Variants in RDX observed in about 807,000 individuals in gnomAD.
RDX encodes deafness, autosomal recessive 24.
Under a neutral mutation model 83.7 loss-of-function variants are expected in RDX, and 32 were observed. The observed-to-expected ratio is 0.38, with a 90% CI of 0.29 to 0.51. The LOEUF is 0.51. Among genes scored for constraint, RDX ranks in the 20% least tolerant of loss-of-function variants. The pLI, the probability that RDX is intolerant of heterozygous loss-of-function variation, is 0.87. For synonymous variants in RDX, 229 were observed against 222.7 expected (o/e 1.03, Z -0.25); for missense variants, 600 against 689.9 (o/e 0.87, Z 1.46).
At chr11:110,225,942 T>C (rs1413984907), downstream of RDX, among the ~76,000 whole-genome samples, 1 of 151,606 alleles carries the variant, frequency 6.6e-6, no homozygotes, top group African/African-American at 2.4e-5. Context: ...GATGCATGCC[T>C]GTAATCCTAG....
At chr11:110,261,081 A>C (rs1361692252) in intron 5 of RDX, among the ~76,000 whole-genome samples, 1 of 152,186 alleles carries the variant, frequency 6.6e-6, no homozygotes, top group African/African-American at 2.4e-5. Flanking sequence ...TTTAATTACC[A>C]TCTATTCACT....
intron 10 of RDX, among the ~76,000 whole-genome samples, chr11:110,239,780 T>G (rs1354204081): frequency 6.7e-6 from 1 of 148,884 alleles, no homozygotes; most frequent in African/African-American, 2.5e-5. Flanking sequence ...TGGCAGAGGC[T>G]AAGAATCACT....
At chr11:110,254,778 GTTC>G (rs1009643588) in intron 8 of RDX, among the ~76,000 whole-genome samples, 32 of 152,052 alleles carry the variant, frequency 2.1e-4, no homozygotes, top group African/African-American at 6.5e-4. Context: ...CACCCAGCCT[GTTC>G]TTCTTACTTT....
chr11:110,196,246 T>A (rs1863205811), intron 15 of RDX: 1 of 152,236 alleles, frequency 6.6e-6, no homozygotes, highest in Non-Finnish European at 1.5e-5. Flanking sequence ...ATTATCAACA[T>A]TCAGTTGAAA....
Position 110,207,610 on chromosome 11 carries a change from GT to G in RDX, c.1749-7933del, listed in dbSNP as rs149510020. Among the ~76,000 whole-genome samples the G allele has an allele frequency of 3.5e-3, 529 of 151,780 alleles. 4 individuals are homozygous for G. Among genetic ancestry groups the G allele is most frequent in the African/African-American group, 0.012 (511 of 41,248 alleles). On this transcript the variant is annotated intron_variant, in intron 14 of 15. Coordinates refer to the RDX transcript ENST00000528498. ...TTTGTACAGAATGTGATTTAAGAATGTTTTTTACCTTTTTTTTTTAAACAAA... is the reference window on the plus strand; with the variant it reads ...TTTGTACAGAATGTGATTTAAGAATGTTTTTACCTTTTTTTTTTAAACAAA...
At chr11:110,202,398 A>G (rs1231433968) in intron 14 of RDX, among the ~76,000 whole-genome samples, 1 of 151,996 alleles carries the variant, frequency 6.6e-6, no homozygotes, top group African/African-American at 2.4e-5. Context: ...CATCTAAAAA[A>G]AAAAATCTGT....
rs574649792 is a variant in RDX, at chr11:110,244,859, T to C, written c.1090+2844A>G. On this transcript the variant is annotated intron_variant, in intron 10 of 13. Coordinates refer to ENST00000645495, the MANE Select transcript of RDX (RefSeq NM_002906.4). ...GAAAAGGAGACTGTGTGAGGGCAGA[T>C]AATTTTGTCTATCATGTTCAGGGCA... Among the ~76,000 whole-genome samples, 16 of 152,226 alleles carry C rather than the reference T, an allele frequency of 1.1e-4. 1 individual carries two copies. In the East Asian group the frequency reaches 1.5e-3, roughly 15 times the overall value.
At chr11:110,210,592 A>T (rs1863796370) in intron 14 of RDX, among the ~76,000 whole-genome samples, 1 of 150,980 alleles carries the variant, frequency 6.6e-6, no homozygotes, top group African/African-American at 2.4e-5. Context: ...CCAGAGAGAA[A>T]GGTCGGGTTA....
chr11:110,239,841 T>TAA lies in RDX; in HGVS notation c.1091-2191_1091-2190dup, dbSNP rs34603140. Among the ~76,000 whole-genome samples, 8 of 134,638 alleles carry TAA rather than the reference T, an allele frequency of 5.9e-5. No individual in the cohort carries two copies. The East Asian group carries it at 6.2e-4, about 10-fold the overall frequency. 88.3% of individuals were successfully genotyped at this position (134,638 alleles called of 152,430 possible). On this transcript the variant is annotated intron_variant, in intron 10 of 13. Coordinates refer to ENST00000645495, the MANE Select transcript of RDX (RefSeq NM_002906.4). ...GGGTGATAGAGGAAGACTCTGTTTT[T>TAA]AAAAAAAAAAAAAAAAAAGGCAGTA...
At chr11:110,208,701 A>G (rs1370666809) in intron 14 of RDX, among the ~76,000 whole-genome samples, 1 of 152,162 alleles carries the variant, frequency 6.6e-6, no homozygotes, top group Admixed American at 6.5e-5. Context: ...GTTAACGCCT[A>G]TAATCCCAAC....
At chr11:110,277,507 A>G (rs969395802) in intron 2 of RDX, among the ~76,000 whole-genome samples, 2 of 152,054 alleles carry the variant, frequency 1.3e-5, no homozygotes, top group African/African-American at 4.8e-5. Flanking sequence ...TTCAGTAGAG[A>G]TGGGGTTTCA....
chr11:110,269,404 C>A lies in RDX; in HGVS notation c.96+3132G>T, dbSNP rs574305844. On this transcript the variant is annotated intron_variant, in intron 3 of 13. Transcript: ENST00000645495. ...GGAGAAGGCTAGTCAAGAAAAAAGT[C>A]AGCAAGAAGCAAACCAAAGGACTTC... Among the ~76,000 whole-genome samples the A allele has an allele frequency of 7.2e-5, 11 of 152,290 alleles. No homozygotes were observed. In the South Asian group the frequency reaches 2.1e-3, roughly 29 times the overall value.
At chr11:110,278,486 T>A (rs1860605608) in intron 2 of RDX, among the ~76,000 whole-genome samples, 1 of 152,136 alleles carries the variant, frequency 6.6e-6, no homozygotes, top group Non-Finnish European at 1.5e-5. Context: ...TTGCACAGCA[T>A]CTGTACATTT....
intron 9 of RDX, among the ~76,000 whole-genome samples, chr11:110,250,776 TGTA>T (rs757418997): frequency 1.3e-5 from 2 of 152,204 alleles, no homozygotes; most frequent in Non-Finnish European, 2.9e-5. Flanking sequence ...TAAAACATGT[TGTA>T]GTTTACTGTA....
chr11:110,276,239 T>C (rs1860512269), intron 2 of RDX, among the ~76,000 whole-genome samples: 1 of 152,216 alleles, frequency 6.6e-6, no homozygotes, highest in Admixed American at 6.5e-5. Flanking sequence ...ATGAAAATAA[T>C]ACAGGGTTTT....
chr11:110,264,985 C>A, intron 3 of RDX, 111 bp from the exon 4 acceptor site: 1 of 684,062 alleles, frequency 1.5e-6, no homozygotes, highest in South Asian at 2.1e-5. Flanking sequence ...TACGTATATT[C>A]CTTTGCCATA....
At chr11:110,295,308 TAAAAAAAAAAA>T (rs200732024) in intron 1 of RDX, among the ~76,000 whole-genome samples, 1 of 127,354 alleles carries the variant, frequency 7.9e-6, no homozygotes, top group Non-Finnish European at 1.6e-5. Context: ...TTTAGTGTTC[TAAAAAAAAAAA>T]AAAAAAAAGA....
chr11:110,195,609 A>ATATAATTTCTT (rs1863189091), intron 15 of RDX: 1 of 152,254 alleles, frequency 6.6e-6, no homozygotes, highest in Non-Finnish European at 1.5e-5. Context: ...TTATACAAAC[A>ATATAATTTCTT]GCCCAGACAG....
chr11:110,227,398 C>G (rs1334589369), downstream of RDX, among the ~76,000 whole-genome samples: 1 of 151,924 alleles, frequency 6.6e-6, no homozygotes, highest in African/African-American at 2.4e-5. Flanking sequence ...TTTTTAGGAG[C>G]AAACTAAATG....
Sources: allele counts gnomAD v4.1 joint callset (sites outside exome capture counted in the v4.1 genomes callset), GRCh38; gene constraint gnomAD v4.1.1; transcripts MANE v1.5; gene names NCBI Gene and HGNC (gene_info 2026-07-23, HGNC 2026-07-21).